Variants in PSMC4 observed in about 807,000 individuals in gnomAD.
PSMC4 encodes the protein 26S proteasome regulatory subunit 6B.
A neutral mutation model predicts 48.4 loss-of-function variants in PSMC4; 13 were observed. The observed-to-expected ratio is 0.27, with a 90% confidence interval of 0.18 to 0.43. The LOEUF (loss-of-function observed/expected upper bound fraction) is 0.43, where lower values mean the gene tolerates loss of function less well. Among genes scored for constraint, PSMC4 ranks in the 20% least tolerant of loss-of-function variants. PSMC4 has a pLI of 1.00. For missense variants in PSMC4, 262 were observed against 555.9 expected, an observed-to-expected ratio of 0.47 and a Z score of 5.32; for synonymous variants, 202 against 212.3, an observed-to-expected ratio of 0.95 and a Z score of 0.42.
chr19:39,978,843 C>T (rs1971244695), intron 6 of PSMC4, among the ~76,000 whole-genome samples: 1 of 152,000 alleles, frequency 6.6e-6, no homozygotes, highest in Admixed American at 6.6e-5. Flanking sequence ...ATAGCAAGAC[C>T]CCATCTCCTC....
rs775974936 is a variant in PSMC4 at position 39,971,176 on chromosome 19, G to A, written c.-27G>A. ...GCGGAAGCGGTGACAGATCATCCCA[G>A]GCCACACAGAGGCCGGCTTGGTCAC... On this transcript the variant is annotated 5_prime_UTR_variant, in exon 1 of 11. Transcript: ENST00000157812. 11 of 1,613,850 alleles carry A rather than the reference G, an allele frequency of 6.8e-6. No homozygotes were observed. The highest frequency in any genetic ancestry group is 9.3e-6 in the Non-Finnish European group (11 of 1,179,902).
Position 39,980,157 on chromosome 19 carries a change from T to G in PSMC4, c.918+11T>G. The G allele has an allele frequency of 6.2e-7, 1 of 1,613,946 alleles. No individual in the cohort carries two copies. The highest frequency in any genetic ancestry group is 8.5e-7 in the Non-Finnish European group (1 of 1,180,006). ...AATGTCAATGTCAAGGTTTGGGGTT[T>G]GGGATGGACAAGGGGAGGTGTGGTG... On this transcript the variant is annotated intron_variant, in intron 8 of 10. Coordinates refer to ENST00000157812, the MANE Select transcript of PSMC4 (RefSeq NM_006503.4). This position sits in a 1 kb window ranked among gnomAD's most constrained non-coding sequence, Gnocchi z 4.8.
chr19:39,979,480 G>A (rs1348883888), intron 6 of PSMC4: 1 of 180,164 alleles, frequency 5.6e-6, no homozygotes, highest in African/African-American at 2.4e-5. Flanking sequence ...AGAATCACTT[G>A]AACCCTGAAG....
rs746586422 is a variant in PSMC4, at chr19:39,980,379, C to T, written c.1012C>T (p.Arg338Cys). The T allele has an allele frequency of 6.2e-7, 1 of 1,614,062 alleles. No homozygotes were observed. Among genetic ancestry groups the T allele is most frequent in the Non-Finnish European group, 8.5e-7 (1 of 1,180,016 alleles). Residue 338 changes from arginine (R) to cysteine (C), a missense_variant, in exon 9 of 11, where the codon CGC (arginine) becomes TGC (cysteine). Around this residue, in one of 4 missense-constraint regions of PSMC4, gnomAD observed 84 missense variants for 157.8 expected, o/e 0.53. Transcript: ENST00000157812. This position sits in a 1 kb window ranked among gnomAD's most constrained non-coding sequence, Gnocchi z 4.8. ...DRKIEFPLPD[R>C]RQKRLIFSTI... ...TAAAATTGAATTTCCACTTCCTGAC[C>T]GCCGCCAGAAGAGATTGATTTTCTC...
In PSMC4 at chr19:39,979,980, AG is replaced by A. The variant is rs758786003; in HGVS notation, c.841+1del. 3 of 1,613,820 alleles carry A rather than the reference AG, an allele frequency of 1.9e-6. No individual in the cohort carries two copies. Among genetic ancestry groups the A allele is most frequent in the Non-Finnish European group, 1.7e-6 (2 of 1,179,898 alleles). ...CCACCAAGAGATTCGATGCTCAGAC[AG>A]GGGGTAAGTGATGCTGAAACAAGGC... ...IATKRFDAQT[G>X]ADREVQRILL... On this transcript the variant is annotated frameshift_variant, in exon 7 of 11. Transcript: ENST00000157812. LOFTEE classifies it high-confidence loss of function.
Position 39,974,153 on chromosome 19 carries a change from C to T in PSMC4, c.323-141C>T. 2.0e-6 allele frequency: 2 copies of T among 976,134 alleles called. No homozygotes were observed. The highest frequency in any genetic ancestry group is 2.6e-5 in the East Asian group (1 of 38,276). The allele number at this position is 976,134 out of a possible 1,614,324, so 60.5% of individuals were successfully genotyped here. A position where few individuals can be genotyped will look rare whatever the true frequency, so the allele number is the denominator to read the frequency against. On this transcript the variant is annotated intron_variant, in intron 3 of 10. Coordinates refer to ENST00000157812, the MANE Select transcript of PSMC4 (RefSeq NM_006503.4). This position sits in a 1 kb window ranked among gnomAD's most constrained non-coding sequence, Gnocchi z 5.5. ...TCGTGTGAATACTGGGGACGGACAGCAGGAGGGAAGGCTGGAGGCCGAGAG... is the reference window on the plus strand; with the variant it reads ...TCGTGTGAATACTGGGGACGGACAGTAGGAGGGAAGGCTGGAGGCCGAGAG...
intron 6 of PSMC4, among the ~76,000 whole-genome samples, chr19:39,976,000 G>A (rs1971191647): frequency 6.6e-6 from 1 of 152,062 alleles, no homozygotes; most frequent in Admixed American, 6.6e-5. Context: ...TGTAATCCCA[G>A]CACTTTGGGA....
At chr19:39,976,652 G>A (rs1226463453) in intron 6 of PSMC4, among the ~76,000 whole-genome samples, 3 of 150,292 alleles carry the variant, frequency 2.0e-5, no homozygotes, top group Admixed American at 1.3e-4. Flanking sequence ...GAGACTACAG[G>A]CACCCGCCAC....
chr19:39,972,119 C>T (rs1281214794), intron 1 of PSMC4, 27 bp from the exon 2 acceptor site: 2 of 1,590,932 alleles, frequency 1.3e-6, no homozygotes, highest in Non-Finnish European at 1.7e-6. Context: ...TGTCTTCTTC[C>T]AATGTGAGTT....
Position 39,980,181 on chromosome 19 carries a change from T to C in PSMC4, c.918+35T>C, listed in dbSNP as rs758595762. On this transcript the variant is annotated intron_variant, in intron 8 of 10. Transcript: ENST00000157812. The surrounding 1 kb of genome is among the most constrained non-coding windows in gnomAD (Gnocchi z 4.8). ...TTGGGATGGACAAGGGGAGGTGTGG[T>C]GTAGGAACTGGGGAAAGTTGGGGGC... 1 of 1,613,624 alleles carries C rather than the reference T, an allele frequency of 6.2e-7. No individual in the cohort carries two copies. The highest frequency in any genetic ancestry group is 1.3e-5 in the African/African-American group (1 of 74,894).
rs956737059 is a variant in PSMC4, at chr19:39,980,782, C to T, written c.1143+65C>T. 30 of 1,525,178 alleles carry T rather than the reference C, an allele frequency of 2.0e-5. No individual in the cohort carries two copies. The highest frequency in any genetic ancestry group is 2.1e-5 in the Non-Finnish European group (23 of 1,099,506). 94.5% of individuals were successfully genotyped at this position (1,525,178 alleles called of 1,614,324 possible). A position where few individuals can be genotyped will look rare whatever the true frequency, so the allele number is the denominator to read the frequency against. On this transcript the variant is annotated intron_variant, in intron 10 of 10. Coordinates refer to ENST00000157812, the MANE Select transcript of PSMC4 (RefSeq NM_006503.4). The surrounding 1 kb of genome is among the most constrained non-coding windows in gnomAD (Gnocchi z 4.8). ...GTGAGGACCCTTCTTCTCTGAACCA[C>T]TCTGCTGCAGTCCTGTCCCCTCATG...
At position 39,974,418 on chromosome 19, in the gene PSMC4, C is replaced by G; in HGVS notation, c.447C>G (p.Ser149Arg). The part of the protein sequence containing the change: ...LVDVLPPEAD[S>R]SIMMLTSDQK... ...ACGTGCTGCCCCCCGAAGCCGACAG[C>G]AGCATCATGATGCTCACCTCAGGTA... Residue 149 changes from serine (S) to arginine (R), a missense_variant, in exon 4 of 11, where the codon AGC (serine) becomes AGG (arginine). By Grantham distance (110) the Ser-to-Arg change is moderately radical. This residue lies in a region of PSMC4 where 131 missense variants were observed against 276.7 expected (regional missense o/e 0.47). Coordinates refer to ENST00000157812, the MANE Select transcript of PSMC4 (RefSeq NM_006503.4). This position sits in a 1 kb window ranked among gnomAD's most constrained non-coding sequence, Gnocchi z 5.5. The G allele has an allele frequency of 6.2e-7, 1 of 1,614,078 alleles. No individual in the cohort carries two copies.
chr19:39,977,265 T>C (rs1473784809), intron 6 of PSMC4, among the ~76,000 whole-genome samples: 1 of 152,156 alleles, frequency 6.6e-6, no homozygotes, highest in African/African-American at 2.4e-5. Context: ...GATTCCCTAA[T>C]GTTACTATCT....
chr19:39,980,508 C>T lies in PSMC4; in HGVS notation c.1087+54C>T, dbSNP rs752262509. The T allele has an allele frequency of 1.6e-5, 25 of 1,603,670 alleles. No individual in the cohort carries two copies. The highest frequency in any genetic ancestry group is 2.1e-5 in the Non-Finnish European group (25 of 1,171,622). On this transcript the variant is annotated intron_variant, in intron 9 of 10. Coordinates refer to ENST00000157812, the MANE Select transcript of PSMC4 (RefSeq NM_006503.4). The surrounding 1 kb of genome is among the most constrained non-coding windows in gnomAD (Gnocchi z 4.8). Reference sequence around the variant, plus strand: ...CCCTAGTTGGGAACGGGGATTAGATCTTCAGCTCAACTTCTGCCAGCACCA... The same window carrying T: ...CCCTAGTTGGGAACGGGGATTAGATTTTCAGCTCAACTTCTGCCAGCACCA...
chr19:39,974,292 A>G lies in PSMC4; in HGVS notation c.323-2A>G, dbSNP rs1279655111. On this transcript the variant is annotated splice_acceptor_variant, in intron 3 of 10. Transcript: ENST00000157812. LOFTEE classifies it high-confidence loss of function. This position sits in a 1 kb window ranked among gnomAD's most constrained non-coding sequence, Gnocchi z 5.5. ...CTCGTTTTCCTCTCTCCCTTCTCGC[A>G]GGCTCCAACTATTATGTGCGCATCC... 5 of 1,613,844 alleles carry G rather than the reference A, an allele frequency of 3.1e-6. No homozygotes were observed. Among genetic ancestry groups the G allele is most frequent in the East Asian group, 4.5e-5 (2 of 44,894 alleles).
chr19:39,979,254 G>T (rs1056316137), intron 6 of PSMC4, among the ~76,000 whole-genome samples: 17 of 151,788 alleles, frequency 1.1e-4, no homozygotes, highest in African/African-American at 4.1e-4. Context: ...ATTTTTAAAT[G>T]TTGGGCCAAA....
At chr19:39,979,230 T>C (rs1971252494) in intron 6 of PSMC4, among the ~76,000 whole-genome samples, 1 of 152,142 alleles carries the variant, frequency 6.6e-6, no homozygotes, top group African/African-American at 2.4e-5. Flanking sequence ...CTTATTTTAG[T>C]ATTTCATATC....
In PSMC4 at chr19:39,974,177, A is replaced by T; in HGVS notation, c.323-117A>T. On this transcript the variant is annotated intron_variant, in intron 3 of 10. Transcript: ENST00000157812. The surrounding 1 kb of genome is among the most constrained non-coding windows in gnomAD (Gnocchi z 5.5). Reference sequence around the variant, plus strand: ...GCAGGAGGGAAGGCTGGAGGCCGAGAGGGGACCCCTCAGGGTCTGAACCAG... The same window carrying T: ...GCAGGAGGGAAGGCTGGAGGCCGAGTGGGGACCCCTCAGGGTCTGAACCAG... 1 of 1,324,070 alleles carries T rather than the reference A, an allele frequency of 7.6e-7. No individual in the cohort carries two copies. The highest frequency in any genetic ancestry group is 1.0e-6 in the Non-Finnish European group (1 of 968,696). The allele number at this position is 1,324,070 out of a possible 1,614,324, so 82.0% of individuals were successfully genotyped here.
chr19:39,978,587 C>T (rs766822320), intron 6 of PSMC4, among the ~76,000 whole-genome samples: 11 of 152,116 alleles, frequency 7.2e-5, no homozygotes, highest in Non-Finnish European at 1.5e-4. Context: ...CAGTTCCTAG[C>T]TTATGACATA....
Sources: gnomAD v4.1 joint callset for allele counts (sites outside exome capture counted in the v4.1 genomes callset) on GRCh38, gnomAD v4.1.1 for gene constraint, gnomAD v4.1.1 regional missense constraint, Gnocchi (gnomAD v3.1) non-coding constraint, MANE v1.5 for transcripts, NCBI Gene and HGNC (gene_info 2026-07-23, HGNC 2026-07-21) for gene names.